FAM81A: variants seen among roughly 807,000 people sequenced by gnomAD.
The protein encoded by FAM81A is protein FAM81A.
FAM81A carries 19 observed loss-of-function variants against 46.7 expected under a neutral mutation model. The observed-to-expected ratio is 0.41, with a 90% CI of 0.28 to 0.60. FAM81A has a LOEUF of 0.60. Among genes scored for constraint, FAM81A ranks in the 20% least tolerant of loss-of-function variants. FAM81A has a pLI of 0.34. For synonymous variants in FAM81A, 183 were observed against 152.9 expected, an observed-to-expected ratio of 1.20 and a Z score of -1.45; for missense variants, 377 against 453.5, an observed-to-expected ratio of 0.83 and a Z score of 1.53.
intron 3 of FAM81A, among the ~76,000 whole-genome samples, chr15:59,486,500 CAAACA>C (rs2081918422): frequency 6.6e-6 from 1 of 151,822 alleles, no homozygotes; most frequent in Non-Finnish European, 1.5e-5. Context: ...GAGAACTTCC[CAAACA>C]AAAGATATCA....
In FAM81A at chr15:59,449,792, A is replaced by C. The variant is rs1467599298; in HGVS notation, c.-77-8758A>C. Among the ~76,000 whole-genome samples, 462 of 150,030 alleles carry C rather than the reference A, an allele frequency of 3.1e-3. 7 individuals are homozygous for C. The highest frequency in any genetic ancestry group is 0.011 in the African/African-American group (436 of 40,936). The stretch of plus-strand genomic sequence containing the variant: ...GCGAGACTCTGTCTCAAAAAAAAAA[A>C]AAAAAAAAAAAAAAAAAAATGACAT... On this transcript the variant is annotated intron_variant, in intron 1 of 8. Transcript: ENST00000288228.
At chr15:59,486,225 G>A (rs187797541) in intron 3 of FAM81A, among the ~76,000 whole-genome samples, 1 of 152,008 alleles carries the variant, frequency 6.6e-6, no homozygotes, top group Non-Finnish European at 1.5e-5. Flanking sequence ...AAAAGAAGCA[G>A]AAATTCTGGA....
At chr15:59,463,988 C>T (rs1328205439) in intron 3 of FAM81A, among the ~76,000 whole-genome samples, 2 of 152,122 alleles carry the variant, frequency 1.3e-5, no homozygotes, top group Admixed American at 6.5e-5. Context: ...CCATCCCATC[C>T]TCTAGTATTC....
chr15:59,479,245 C>T (rs1474212881), intron 3 of FAM81A, among the ~76,000 whole-genome samples: 2 of 152,168 alleles, frequency 1.3e-5, no homozygotes, highest in Admixed American at 6.5e-5. Context: ...GGCGCGGTGG[C>T]TCATGCCTGT....
chr15:59,431,782 G>T (rs2081221603), intron 2 of FAM81A, among the ~76,000 whole-genome samples: 1 of 152,176 alleles, frequency 6.6e-6, no homozygotes, highest in Non-Finnish European at 1.5e-5. Context: ...AGGGGAGAAA[G>T]AAAATGTCAA....
At chr15:59,483,742 T>G (rs2081883175) in intron 3 of FAM81A, among the ~76,000 whole-genome samples, 1 of 152,176 alleles carries the variant, frequency 6.6e-6, no homozygotes, top group South Asian at 2.1e-4. Flanking sequence ...TCTAGTCTGT[T>G]CCCAATCCAG....
intron 4 of FAM81A, among the ~76,000 whole-genome samples, chr15:59,504,140 ATTTCATAGTATTTTAAAAACCTCAGC>A (rs1381691669): frequency 1.3e-5 from 2 of 152,124 alleles, no homozygotes; most frequent in African/African-American, 4.8e-5. Context: ...TATATTTTTT[ATTTCATAGTATTTTAAAAACCTCAGC>A]TTTCCCCAAA....
At chr15:59,400,759 G>A (rs952686816) in intron 1 of FAM81A, among the ~76,000 whole-genome samples, 1 of 152,186 alleles carries the variant, frequency 6.6e-6, no homozygotes, top group Non-Finnish European at 1.5e-5. Flanking sequence ...TCTGTTGTCA[G>A]TGCCGGTTGC....
chr15:59,471,977 G>A (rs1001195790), intron 3 of FAM81A, among the ~76,000 whole-genome samples: 10 of 152,232 alleles, frequency 6.6e-5, no homozygotes, highest in Admixed American at 1.3e-4. Context: ...CAATGGGTCT[G>A]TGTTGCTTTG....
At chr15:59,488,615 A>G (rs547962076) in intron 3 of FAM81A, among the ~76,000 whole-genome samples, 17 of 152,360 alleles carry the variant, frequency 1.1e-4, no homozygotes, top group African/African-American at 4.1e-4. Flanking sequence ...TGGCATTTCT[A>G]TATGCCAATG....
chr15:59,511,704 G>A (rs181143104), intron 6 of FAM81A, among the ~76,000 whole-genome samples: 66 of 152,236 alleles, frequency 4.3e-4, no homozygotes, highest in East Asian at 2.9e-3. Context: ...AGGCTGGAGC[G>A]CAGTGTGCTT....
intron 8 of FAM81A, 117 bp from the exon 9 acceptor site, chr15:59,521,137 A>G (rs2082323697): frequency 8.9e-7 from 1 of 1,124,922 alleles, no homozygotes; most frequent in South Asian, 1.9e-5. Context: ...TTCATCCCAG[A>G]GGTTTTAGCA....
intron 4 of FAM81A, among the ~76,000 whole-genome samples, chr15:59,496,737 G>A (rs184982223): frequency 3.7e-4 from 56 of 152,090 alleles, no homozygotes; most frequent in Non-Finnish European, 5.9e-4. Flanking sequence ...TAGCTTTGTG[G>A]TACATTTTGA....
At chr15:59,438,747 G>A (rs185773249) in intron 1 of FAM81A, 25 of 152,322 alleles carry the variant, frequency 1.6e-4, no homozygotes, top group East Asian at 5.8e-4. Flanking sequence ...AGCTGAGAAA[G>A]AGCCCTAAAG....
At chr15:59,506,922 A>G (rs1010093952) in intron 4 of FAM81A, among the ~76,000 whole-genome samples, 18 of 152,242 alleles carry the variant, frequency 1.2e-4, no homozygotes, top group African/African-American at 4.3e-4. Flanking sequence ...CACACTAGCT[A>G]TGCTCTTTGT....
intron 3 of FAM81A, among the ~76,000 whole-genome samples, chr15:59,482,509 TC>T (rs2081865916): frequency 6.6e-6 from 1 of 152,214 alleles, no homozygotes; most frequent in South Asian, 2.1e-4. Flanking sequence ...CCTCAGGTGA[TC>T]CACCTGCCTT....
chr15:59,504,025 G>A (rs544931713), intron 4 of FAM81A, among the ~76,000 whole-genome samples: 61 of 152,212 alleles, frequency 4.0e-4, no homozygotes, highest in Middle Eastern at 3.4e-3. Flanking sequence ...TCCCTCAAAC[G>A]GCTTTGTAAA....
intron 6 of FAM81A, among the ~76,000 whole-genome samples, chr15:59,511,797 C>T (rs368261012): frequency 2.0e-5 from 3 of 152,042 alleles, no homozygotes; most frequent in Non-Finnish European, 2.9e-5. Flanking sequence ...ACTACAGGCA[C>T]GTGCCACCAT....
chr15:59,472,162 C>T (rs946856436), intron 3 of FAM81A, among the ~76,000 whole-genome samples: 1 of 152,094 alleles, frequency 6.6e-6, no homozygotes. Flanking sequence ...CTGAGACCCT[C>T]CCTTTCTGGA....
Sources: gnomAD v4.1 joint callset for allele counts (sites outside exome capture counted in the v4.1 genomes callset) on GRCh38, gnomAD v4.1.1 for gene constraint, MANE v1.5 for transcripts, NCBI Gene and HGNC (gene_info 2026-07-23, HGNC 2026-07-21) for gene names.